FMN1: variants seen among roughly 807,000 people sequenced by gnomAD.
FMN1 encodes formin-1.
A neutral mutation model predicts 132.4 loss-of-function variants in FMN1; 110 were observed. The ratio of observed to expected loss-of-function variants is 0.83; its 90% CI spans 0.71 to 0.97. The LOEUF (loss-of-function observed/expected upper bound fraction) is 0.97. Ranked by LOEUF, FMN1 falls within the 50% of genes least tolerant of loss-of-function variation. The pLI, the probability that FMN1 is intolerant of heterozygous loss-of-function variation, is 0.00. For synonymous variants in FMN1, 722 were observed against 651.7 expected (o/e 1.11, Z -1.64); for missense variants, 1,792 against 1,705.3 (o/e 1.05, Z -0.90).
chr15:32,796,535 G>A (rs2057296375), intron 19 of FMN1, among the ~76,000 whole-genome samples: 1 of 152,126 alleles, frequency 6.6e-6, no homozygotes, highest in Non-Finnish European at 1.5e-5. Flanking sequence ...TTCGGTTTCT[G>A]GGGAAAGTAT....
At chr15:33,068,875 A>C (rs913769501) in intron 5 of FMN1, among the ~76,000 whole-genome samples, 1 of 151,686 alleles carries the variant, frequency 6.6e-6, no homozygotes, top group African/African-American at 2.4e-5. Flanking sequence ...TACCCTCTAC[A>C]CTCCCTGTGC....
chr15:32,849,040 G>T (rs1567267555), intron 17 of FMN1, among the ~76,000 whole-genome samples: 1 of 134,528 alleles, frequency 7.4e-6, no homozygotes, highest in South Asian at 2.5e-4. Flanking sequence ...CTGGAGTGCA[G>T]TGGCGCAATC....
chr15:33,012,282 G>C (rs954888050), intron 6 of FMN1: 15 of 741,070 alleles, frequency 2.0e-5, no homozygotes, highest in Admixed American at 5.2e-5. Flanking sequence ...AGGTATTCCA[G>C]AGGCTTTGGG....
chr15:32,851,467 A>C (rs1263013810), intron 17 of FMN1, among the ~76,000 whole-genome samples: 2 of 152,182 alleles, frequency 1.3e-5, no homozygotes, highest in Non-Finnish European at 1.5e-5. Flanking sequence ...ACCATGTTTG[A>C]TCTGAGGGTG....
chr15:33,024,789 T>C (rs1034345734), intron 6 of FMN1, among the ~76,000 whole-genome samples: 1 of 152,212 alleles, frequency 6.6e-6, no homozygotes, highest in African/African-American at 2.4e-5. Context: ...CCATTGTTTC[T>C]AACAGTGAAA....
At chr15:32,798,094 A>T (rs1324056763) in intron 19 of FMN1, among the ~76,000 whole-genome samples, 2 of 152,038 alleles carry the variant, frequency 1.3e-5, no homozygotes, top group African/African-American at 4.8e-5. Context: ...CTTCCATAAC[A>T]GTGGCAACCC....
chr15:32,903,408 C>A (rs2060343910), intron 12 of FMN1, among the ~76,000 whole-genome samples: 1 of 152,142 alleles, frequency 6.6e-6, no homozygotes, highest in African/African-American at 2.4e-5. Context: ...TATCATCAGT[C>A]TTTATAAATA....
chr15:32,989,703 G>A (rs942075267), intron 7 of FMN1, among the ~76,000 whole-genome samples: 1 of 152,092 alleles, frequency 6.6e-6, no homozygotes, highest in Non-Finnish European at 1.5e-5. Context: ...CGATAAGGTG[G>A]GCTGAATACA....
At chr15:32,947,323 T>C (rs1006408598) in intron 9 of FMN1, among the ~76,000 whole-genome samples, 1 of 152,110 alleles carries the variant, frequency 6.6e-6, no homozygotes, top group Non-Finnish European at 1.5e-5. Context: ...TTAGTTTCCA[T>C]ATATGCATAG....
intron 19 of FMN1, among the ~76,000 whole-genome samples, chr15:32,795,748 C>T (rs1017760810): frequency 1.3e-5 from 2 of 152,138 alleles, no homozygotes; most frequent in Non-Finnish European, 2.9e-5. Flanking sequence ...AGGGGCAGCA[C>T]GATGACTGAG....
In FMN1 at chr15:33,012,552, G is replaced by A. The variant is rs2034788974; in HGVS notation, c.2162-4477C>T. On this transcript the variant is annotated intron_variant, in intron 6 of 20. Transcript: ENST00000616417. ...CTGACCGAGGCAGTGGCAAGAAAAG[G>A]GGCTTTGCCTTTGTAACCTTTGACA... 4 of 1,525,390 alleles carry A rather than the reference G, an allele frequency of 2.6e-6. No homozygotes were observed. The African/African-American group carries it at 4.1e-5, about 16-fold the overall frequency. The allele number at this position is 1,525,390 out of a possible 1,614,324, so 94.5% of individuals were successfully genotyped here. A position where few individuals can be genotyped will look rare whatever the true frequency, so the allele number is the denominator to read the frequency against.
At chr15:32,934,031 T>C (rs749133893) in intron 9 of FMN1, among the ~76,000 whole-genome samples, 1 of 152,118 alleles carries the variant, frequency 6.6e-6, no homozygotes, top group Non-Finnish European at 1.5e-5. Flanking sequence ...CATTGTTTTG[T>C]AGCTTTTGTA....
At chr15:33,116,079 T>C (rs1243633865) in intron 4 of FMN1, among the ~76,000 whole-genome samples, 4 of 152,252 alleles carry the variant, frequency 2.6e-5, no homozygotes, top group African/African-American at 4.8e-5. Flanking sequence ...GATCCAACTA[T>C]AAAAAGACAT....
intron 19 of FMN1, among the ~76,000 whole-genome samples, chr15:32,792,924 C>A (rs1467205175): frequency 6.6e-6 from 1 of 152,130 alleles, no homozygotes; most frequent in Non-Finnish European, 1.5e-5. Flanking sequence ...GATTGTTATA[C>A]ATGAGGAAAA....
chr15:32,808,566 T>G (rs1437655192), intron 17 of FMN1, among the ~76,000 whole-genome samples: 1 of 152,230 alleles, frequency 6.6e-6, no homozygotes, highest in East Asian at 1.9e-4. Flanking sequence ...CTCTGATACT[T>G]ATTAACTGGG....
At chr15:33,093,553 G>A (rs1013267876) in intron 4 of FMN1, among the ~76,000 whole-genome samples, 4 of 152,152 alleles carry the variant, frequency 2.6e-5, no homozygotes, top group Admixed American at 1.3e-4. Context: ...GCTCACTAAT[G>A]CAACTGCCCC....
chr15:33,153,696 A>T lies in FMN1; in HGVS notation c.1219T>A (p.Ser407Thr), dbSNP rs1229227984. ...CCCTCGGCACTGGCCGACACACTAG[A>T]AATGGAGGCTGTTTCCCCGGCTGGC... ...QSPAGETASI[S>T]SVSASAEGAV... Residue 407 changes from serine (S) to threonine (T), a missense_variant, in exon 4 of 21, where the codon TCT (serine) becomes ACT (threonine). Ser to Thr is a moderately conservative substitution (Grantham distance 58, BLOSUM62 1). Around this residue, in one of 3 missense-constraint regions of FMN1, gnomAD observed 638 missense variants for 645.2 expected, o/e 0.99. Transcript: ENST00000616417. The T allele has an allele frequency of 6.5e-7, 1 of 1,536,344 alleles. No individual in the cohort carries two copies. Among genetic ancestry groups the T allele is most frequent in the East Asian group, 2.4e-5 (1 of 40,886 alleles).
chr15:32,952,652 G>T (rs1596334302), intron 9 of FMN1, among the ~76,000 whole-genome samples: 1 of 152,100 alleles, frequency 6.6e-6, no homozygotes, highest in Admixed American at 6.5e-5. Flanking sequence ...ATAATTAGGC[G>T]GCCATGAATT....
chr15:32,964,028 C>T (rs1373131685), intron 9 of FMN1, 79 bp downstream of exon 9: 10 of 943,562 alleles, frequency 1.1e-5, no homozygotes, highest in Non-Finnish European at 1.4e-5. Flanking sequence ...CACACACACA[C>T]ACACACACAC....
Sources: gnomAD v4.1 joint callset for allele counts (sites outside exome capture counted in the v4.1 genomes callset) on GRCh38, gnomAD v4.1.1 for gene constraint, gnomAD v4.1.1 regional missense constraint, MANE v1.5 for transcripts, NCBI Gene and HGNC (gene_info 2026-07-23, HGNC 2026-07-21) for gene names.